ATRNL1: variants seen among roughly 807,000 people sequenced by gnomAD.
ATRNL1 encodes the protein attractin like 1.
ATRNL1 carries 95 observed loss-of-function variants against 182.7 expected under a neutral mutation model. That is an observed-to-expected ratio of 0.52 (90% confidence interval 0.44 to 0.62). The LOEUF is 0.62. ATRNL1 is among the 20% of genes least tolerant of loss of function. The pLI, the probability that ATRNL1 is intolerant of heterozygous loss-of-function variation, is 0.00. For missense variants in ATRNL1, 1,471 were observed against 1,679.5 expected, an observed-to-expected ratio of 0.88 and a Z score of 2.17; for synonymous variants, 576 against 568.3, an observed-to-expected ratio of 1.01 and a Z score of -0.19.
intron 26 of ATRNL1, among the ~76,000 whole-genome samples, chr10:115,614,208 T>C (rs1233670075): frequency 6.6e-6 from 1 of 152,044 alleles, no homozygotes; most frequent in African/African-American, 2.4e-5. Context: ...ATCCTGTAGG[T>C]TTTGGGGCGT....
chr10:115,734,928 AT>A (rs548969475), intron 27 of ATRNL1, among the ~76,000 whole-genome samples: 92 of 152,188 alleles, frequency 6.0e-4, no homozygotes, highest in African/African-American at 2.0e-3. Context: ...ATTAATGAAC[AT>A]TTTTCCCTCT....
At chr10:115,741,192 T>G (rs1376256569) in intron 27 of ATRNL1, among the ~76,000 whole-genome samples, 1 of 152,096 alleles carries the variant, frequency 6.6e-6, no homozygotes, top group African/African-American at 2.4e-5. Flanking sequence ...AATAAAAATA[T>G]GTTATTAATG....
intron 19 of ATRNL1, among the ~76,000 whole-genome samples, chr10:115,371,877 T>G (rs1554948146): frequency 6.6e-6 from 1 of 152,134 alleles, no homozygotes; most frequent in African/African-American, 2.4e-5. Context: ...GTAGCCCCCG[T>G]AATTCCCATG....
intron 28 of ATRNL1, among the ~76,000 whole-genome samples, chr10:115,910,887 AAATGCAT>A (rs1251300582): frequency 1.3e-5 from 2 of 152,194 alleles, no homozygotes; most frequent in Non-Finnish European, 2.9e-5. Flanking sequence ...ACTTCTACTA[AAATGCAT>A]GACTGACATT....
chr10:115,770,200 C>G (rs1407278996), intron 27 of ATRNL1, among the ~76,000 whole-genome samples: 4 of 151,734 alleles, frequency 2.6e-5, no homozygotes, highest in African/African-American at 9.7e-5. Context: ...TGTATGCTAT[C>G]TAATGAATAT....
chr10:115,279,391 T>G (rs577989730), intron 13 of ATRNL1, among the ~76,000 whole-genome samples: 110 of 152,230 alleles, frequency 7.2e-4, no homozygotes, highest in African/African-American at 2.5e-3. Flanking sequence ...GGAATCTACT[T>G]GTTTTAATCA....
chr10:115,500,976 T>A (rs1442790048), intron 24 of ATRNL1, among the ~76,000 whole-genome samples: 2 of 134,136 alleles, frequency 1.5e-5, no homozygotes, highest in Admixed American at 8.3e-5. Context: ...TCGCCCAGGC[T>A]GGAGTGCAAT....
intron 25 of ATRNL1, among the ~76,000 whole-genome samples, chr10:115,543,707 T>A (rs931530880): frequency 2.0e-5 from 3 of 152,196 alleles, no homozygotes; most frequent in Non-Finnish European, 4.4e-5. Flanking sequence ...ATGTTACTTA[T>A]ATTGAATTCT....
At position 115,389,540 on chromosome 10, in the gene ATRNL1, G is replaced by GTATATATATATATA. The variant is rs58155967; in HGVS notation, c.3176-5081_3176-5068dup. 9.0e-5 allele frequency among the ~76,000 whole-genome samples: 4 copies of GTATATATATATATA among 44,484 alleles called. 2 individuals are homozygous for GTATATATATATATA. The highest frequency in any genetic ancestry group is 1.7e-4 in the Non-Finnish European group (4 of 23,664). The allele number at this position is 44,484 out of a possible 152,430, so 29.2% of individuals were successfully genotyped here. On this transcript the variant is annotated intron_variant, in intron 19 of 28. Coordinates refer to ENST00000355044, the MANE Select transcript of ATRNL1 (RefSeq NM_207303.4). ...CTGAATAGTATTCAAATGTGTATGT[G>GTATATATATATATA]TATATATATATATATATATATATAT...
chr10:115,214,759 T>C (rs1849165374), intron 8 of ATRNL1, among the ~76,000 whole-genome samples: 1 of 152,196 alleles, frequency 6.6e-6, no homozygotes, highest in Admixed American at 6.6e-5. Flanking sequence ...GTTTTTCGTA[T>C]GCATTTCTTA....
intron 26 of ATRNL1, among the ~76,000 whole-genome samples, chr10:115,561,704 GGTGTGTGTGTGT>G (rs71010029): frequency 1.4e-5 from 2 of 144,938 alleles, no homozygotes; most frequent in African/African-American, 5.2e-5. Context: ...TGTGTGTGTG[GGTGTGTGTGTGT>G]GTGTGTGTTT....
chr10:115,940,553 G>A (rs1478110986), intron 28 of ATRNL1, among the ~76,000 whole-genome samples: 2 of 152,136 alleles, frequency 1.3e-5, no homozygotes, highest in East Asian at 1.9e-4. Flanking sequence ...ACATTTAGGG[G>A]ACGGGGGAGG....
chr10:115,773,055 G>C (rs1555076858), intron 27 of ATRNL1, among the ~76,000 whole-genome samples: 2 of 152,106 alleles, frequency 1.3e-5, no homozygotes, highest in African/African-American at 4.8e-5. Flanking sequence ...AGAAATTTTA[G>C]TGAAGAAAAC....
At chr10:115,617,399 C>T (rs182616523) in intron 26 of ATRNL1, among the ~76,000 whole-genome samples, 233 of 151,394 alleles carry the variant, frequency 1.5e-3, no homozygotes, top group Middle Eastern at 6.8e-3. Flanking sequence ...CTTGCTCTGT[C>T]GCCAGGCTGG....
chr10:115,290,415 G>A (rs1376470303), intron 15 of ATRNL1, among the ~76,000 whole-genome samples: 1 of 152,142 alleles, frequency 6.6e-6, no homozygotes, highest in Non-Finnish European at 1.5e-5. Flanking sequence ...AGCACTTTGG[G>A]AGGCTGAGGC....
intron 26 of ATRNL1, among the ~76,000 whole-genome samples, chr10:115,681,911 T>C (rs1946058472): frequency 6.6e-6 from 1 of 152,158 alleles, no homozygotes; most frequent in Admixed American, 6.6e-5. Flanking sequence ...TAGGTAATTT[T>C]TTCTGAAACA....
chr10:115,873,766 A>G (rs1227278731), intron 28 of ATRNL1, among the ~76,000 whole-genome samples: 1 of 152,244 alleles, frequency 6.6e-6, no homozygotes, highest in African/African-American at 2.4e-5. Flanking sequence ...TCAGTCATTT[A>G]TTCAAAGACC....
intron 17 of ATRNL1, among the ~76,000 whole-genome samples, chr10:115,312,918 A>C (rs1167240681): frequency 2.0e-5 from 3 of 152,132 alleles, no homozygotes; most frequent in Non-Finnish European, 4.4e-5. Flanking sequence ...AAGACAAAGT[A>C]TTGTTAAAAC....
At chr10:115,723,070 A>T (rs528512501) in intron 26 of ATRNL1, among the ~76,000 whole-genome samples, 1 of 152,324 alleles carries the variant, frequency 6.6e-6, no homozygotes, top group Non-Finnish European at 1.5e-5. Flanking sequence ...TCAACTAAGT[A>T]TTGTGGGGAA....
Sources: gnomAD v4.1 joint callset for allele counts (sites outside exome capture counted in the v4.1 genomes callset) on GRCh38, gnomAD v4.1.1 for gene constraint, MANE v1.5 for transcripts, NCBI Gene and HGNC (gene_info 2026-07-23, HGNC 2026-07-21) for gene names.